PCDH7: variants seen among roughly 807,000 people sequenced by gnomAD.
PCDH7 encodes protocadherin-7.
A neutral mutation model predicts 58.9 loss-of-function variants in PCDH7; 17 were observed. That is an observed-to-expected ratio of 0.29 (90% CI 0.20 to 0.43). PCDH7 has a LOEUF of 0.43. Ranked by LOEUF, PCDH7 falls within the 20% of genes least tolerant of loss-of-function variation. The pLI is 1.00. For synonymous variants in PCDH7, 664 were observed against 616.4 expected, an observed-to-expected ratio of 1.08 and a Z score of -1.14; for missense variants, 1,274 against 1,441.0, an observed-to-expected ratio of 0.88 and a Z score of 1.88.
intron 3 of PCDH7, among the ~76,000 whole-genome samples, chr4:30,984,341 G>A (rs894682685): frequency 3.3e-5 from 5 of 152,184 alleles, no homozygotes; most frequent in East Asian, 1.9e-4. Flanking sequence ...TTTGTCAGCA[G>A]AGTGTTTGTT....
At chr4:30,752,192 G>A (rs1718617706) in intron 1 of PCDH7, among the ~76,000 whole-genome samples, 3 of 151,876 alleles carry the variant, frequency 2.0e-5, no homozygotes, top group Admixed American at 2.0e-4. Context: ...GGAGTGCAGT[G>A]GCGTGATCCC....
At chr4:30,890,016 C>T (rs72619198) in intron 1 of PCDH7, among the ~76,000 whole-genome samples, 28,708 of 152,102 alleles carry the variant, frequency 0.19, 3,395 homozygotes, top group East Asian at 0.28. Context: ...GTGTAGTGAA[C>T]ACACAGGGAT....
chr4:30,931,713 C>G (rs1167179827), intron 2 of PCDH7, among the ~76,000 whole-genome samples: 4 of 151,854 alleles, frequency 2.6e-5, no homozygotes, highest in South Asian at 2.1e-4. Flanking sequence ...ACTTCTTTCT[C>G]AGGTCACCAA....
At chr4:30,724,127 G>A (rs1714243797) in exon 1 of PCDH7, 13 of 1,613,982 alleles carry the variant, frequency 8.1e-6, no homozygotes, top group Non-Finnish European at 1.0e-5. Context: ...GTGATGGCAA[G>A]GTACTGCAGG....
intron 3 of PCDH7, among the ~76,000 whole-genome samples, chr4:31,086,553 A>G (rs1245412368): frequency 6.6e-6 from 1 of 152,180 alleles, no homozygotes; most frequent in Admixed American, 6.5e-5. Flanking sequence ...TTGAGGACAG[A>G]GGTATATTAT....
chr4:31,146,133 A>G (rs1720657175), downstream of PCDH7: 4 of 152,004 alleles, frequency 2.6e-5, no homozygotes, highest in South Asian at 8.3e-4. Context: ...GGGAGGCATT[A>G]TTTTTATGGG....
At chr4:30,921,090 A>T (rs959567654) in intron 2 of PCDH7, among the ~76,000 whole-genome samples, 1 of 152,200 alleles carries the variant, frequency 6.6e-6, no homozygotes, top group Non-Finnish European at 1.5e-5. Flanking sequence ...AATAGCACTT[A>T]TAAAACTTTC....
intron 1 of PCDH7, among the ~76,000 whole-genome samples, chr4:30,889,381 T>C (rs915613591): frequency 6.6e-6 from 1 of 152,036 alleles, no homozygotes; most frequent in African/African-American, 2.4e-5. Context: ...TTATAAGCTA[T>C]GGCAAATTGA....
At chr4:30,923,678 T>C (rs1255021227) in intron 2 of PCDH7, among the ~76,000 whole-genome samples, 1 of 152,118 alleles carries the variant, frequency 6.6e-6, no homozygotes, top group African/African-American at 2.4e-5. Context: ...ACACTAGAAA[T>C]TACCCCATTT....
intron 1 of PCDH7, among the ~76,000 whole-genome samples, chr4:30,877,473 C>G (rs1379914487): frequency 6.6e-6 from 1 of 152,120 alleles, no homozygotes; most frequent in Non-Finnish European, 1.5e-5. Flanking sequence ...CTAAGGCAAC[C>G]GTGCTTTTGT....
At position 30,800,262 on chromosome 4, in the gene PCDH7, T is replaced by C. The variant is rs1365017884; in HGVS notation, c.70+75666T>C. 2.6e-5 allele frequency among the ~76,000 whole-genome samples: 4 copies of C among 152,098 alleles called. No homozygotes were observed. In the East Asian group the frequency reaches 7.7e-4, roughly 29 times the overall value. On this transcript the variant is annotated intron_variant, in intron 1 of 3. Transcript: ENST00000509759. ...GACTGAGGCATTAACCAATGGAGTG[T>C]AGGAGTATAAAAATACTAGATTATT...
chr4:30,946,658 C>T (rs1746716610), intron 2 of PCDH7, among the ~76,000 whole-genome samples: 1 of 149,970 alleles, frequency 6.7e-6, no homozygotes, highest in Admixed American at 6.6e-5. Flanking sequence ...TTTTAATCCC[C>T]AATTACCTCA....
At chr4:31,124,343 C>T (rs551548040) in intron 3 of PCDH7, among the ~76,000 whole-genome samples, 3 of 152,178 alleles carry the variant, frequency 2.0e-5, no homozygotes, top group Non-Finnish European at 4.4e-5. Flanking sequence ...AGATTTAAAT[C>T]ACTTGCTAAA....
chr4:31,126,680 T>C lies in PCDH7; in HGVS notation c.*8-15793T>C, dbSNP rs555437880. Among the ~76,000 whole-genome samples the C allele has an allele frequency of 3.3e-5, 5 of 152,292 alleles. No individual in the cohort carries two copies. The South Asian group carries it at 1.0e-3, about 32-fold the overall frequency. On this transcript the variant is annotated intron_variant, in intron 3 of 3. Transcript: ENST00000509759. ...GGCTTATTTGCGGAACAGGGAAAGA[T>C]GACAAATTAGAAAGCAGAGATTGCC...
intron 3 of PCDH7, among the ~76,000 whole-genome samples, chr4:31,130,434 C>T (rs1718834365): frequency 6.6e-6 from 1 of 152,138 alleles, no homozygotes; most frequent in Non-Finnish European, 1.5e-5. Context: ...AGTTTTTCCA[C>T]TCCATATCTT....
At chr4:30,758,333 G>A (rs981248698) in intron 1 of PCDH7, among the ~76,000 whole-genome samples, 5 of 152,164 alleles carry the variant, frequency 3.3e-5, no homozygotes, top group Non-Finnish European at 4.4e-5. Context: ...TAGAAAGGAA[G>A]TGTTAGGAAG....
At chr4:30,969,432 C>A (rs1301991924) in intron 3 of PCDH7, among the ~76,000 whole-genome samples, 1 of 152,030 alleles carries the variant, frequency 6.6e-6, no homozygotes, top group East Asian at 1.9e-4. Context: ...AAAGGACACA[C>A]TGGGAAAGCA....
In PCDH7 at chr4:30,823,592, AG is replaced by A. The variant is rs78065042; in HGVS notation, c.71-96557del. On this transcript the variant is annotated intron_variant, in intron 1 of 3. Coordinates refer to the PCDH7 transcript ENST00000509759. ...CAAATATGATGCTACCTCGGCGTAC[AG>A]GGGTCTTTGATAGCGAGAACCATTT... Among the ~76,000 whole-genome samples, 1,140 of 152,224 alleles carry A rather than the reference AG, an allele frequency of 7.5e-3. 28 individuals are homozygous for A. The East Asian group carries it at 0.087, about 12-fold the overall frequency.
intron 3 of PCDH7, among the ~76,000 whole-genome samples, chr4:31,066,680 G>A (rs990252091): frequency 1.3e-5 from 2 of 151,722 alleles, no homozygotes; most frequent in African/African-American, 2.4e-5. Flanking sequence ...ATTTTAAATA[G>A]GGTTTAATAT....
Sources: allele counts gnomAD v4.1 joint callset (sites outside exome capture counted in the v4.1 genomes callset), GRCh38; gene constraint gnomAD v4.1.1; transcripts MANE v1.5; gene names NCBI Gene and HGNC (gene_info 2026-07-23, HGNC 2026-07-21).